Variants in MALRD1 observed in about 807,000 individuals in gnomAD.
MALRD1 encodes the protein MAM and LDL receptor class A domain containing 1, also known as MAM and LDL-receptor class A domain-containing protein 1.
A neutral mutation model predicts 242.1 loss-of-function variants in MALRD1; 247 were observed. The observed-to-expected ratio is 1.02, with a 90% CI of 0.92 to 1.13. The LOEUF (loss-of-function observed/expected upper bound fraction) is 1.13. MALRD1 is among the 50% of genes most tolerant of loss of function. MALRD1 has a pLI of 0.00. For synonymous variants in MALRD1, 995 were observed against 866.6 expected (o/e 1.15, Z -2.60); for missense variants, 2,989 against 2,533.1 (o/e 1.18, Z -3.86).
At chr10:19,609,835 T>G (rs906060911) in intron 35 of MALRD1, among the ~76,000 whole-genome samples, 1 of 152,040 alleles carries the variant, frequency 6.6e-6, no homozygotes, top group Admixed American at 6.6e-5. Context: ...AAGGTGAAAC[T>G]ATAATTATGA....
intron 18 of MALRD1, among the ~76,000 whole-genome samples, chr10:19,239,410 A>C (rs992329661): frequency 6.6e-6 from 1 of 152,058 alleles, no homozygotes; most frequent in African/African-American, 2.4e-5. Flanking sequence ...TCCTTAGCAG[A>C]TGTATAGTTT....
At chr10:19,384,568 T>C (rs1287588361) in intron 26 of MALRD1, among the ~76,000 whole-genome samples, 1 of 124,398 alleles carries the variant, frequency 8.0e-6, no homozygotes, top group South Asian at 2.2e-4. Context: ...ATATAGTGTA[T>C]ATAATATAAT....
intron 19 of MALRD1, among the ~76,000 whole-genome samples, chr10:19,273,700 C>CA (rs1385619101): frequency 3.3e-5 from 5 of 152,096 alleles, no homozygotes; most frequent in African/African-American, 9.7e-5. Context: ...ATAGTAAAAA[C>CA]ATTAGTGTTT....
intron 26 of MALRD1, among the ~76,000 whole-genome samples, chr10:19,364,994 A>G (rs1189429087): frequency 6.6e-6 from 1 of 152,138 alleles, no homozygotes; most frequent in East Asian, 1.9e-4. Flanking sequence ...CTGCCACCAC[A>G]TCATCTGCTT....
chr10:19,294,281 A>T (rs1841589416), intron 21 of MALRD1, among the ~76,000 whole-genome samples: 1 of 152,200 alleles, frequency 6.6e-6, no homozygotes, highest in South Asian at 2.1e-4. Context: ...CAAAATTTGT[A>T]GGAAAAACGT....
intron 13 of MALRD1, among the ~76,000 whole-genome samples, chr10:19,174,296 A>G (rs907351481): frequency 6.6e-6 from 1 of 152,132 alleles, no homozygotes; most frequent in Admixed American, 6.6e-5. Flanking sequence ...CTCACAAAGG[A>G]AAGAGAGGGG....
At chr10:19,561,144 CCT>C (rs1405534684) in intron 32 of MALRD1, among the ~76,000 whole-genome samples, 1 of 151,962 alleles carries the variant, frequency 6.6e-6, no homozygotes, top group African/African-American at 2.4e-5. Flanking sequence ...CAGCTATCTC[CCT>C]GTTATTGACT....
At chr10:19,604,117 G>A (rs149431375) in intron 34 of MALRD1, among the ~76,000 whole-genome samples, 278 of 152,272 alleles carry the variant, frequency 1.8e-3, no homozygotes, top group African/African-American at 6.5e-3. Flanking sequence ...TGAAAGCTGG[G>A]CCTCTTGCTC....
At chr10:19,502,084 GA>G (rs1416723480) in intron 31 of MALRD1, among the ~76,000 whole-genome samples, 1 of 149,942 alleles carries the variant, frequency 6.7e-6, no homozygotes, top group African/African-American at 2.5e-5. Flanking sequence ...TACCTGAAAA[GA>G]AAATCCAGTA....
At chr10:19,163,619 T>A (rs1439148189) in intron 12 of MALRD1, among the ~76,000 whole-genome samples, 1 of 152,150 alleles carries the variant, frequency 6.6e-6, no homozygotes, top group Non-Finnish European at 1.5e-5. Context: ...TTTGCCTATG[T>A]AACAAATCTT....
At chr10:19,632,551 C>T (rs1471068598) in intron 36 of MALRD1, among the ~76,000 whole-genome samples, 1 of 151,982 alleles carries the variant, frequency 6.6e-6, no homozygotes, top group African/African-American at 2.4e-5. Context: ...GCTTAAAAAC[C>T]TAAGGAATAA....
chr10:19,560,485 T>A (rs983248166), intron 32 of MALRD1, among the ~76,000 whole-genome samples: 2 of 151,724 alleles, frequency 1.3e-5, no homozygotes, highest in African/African-American at 2.4e-5. Context: ...TAAAATAAAA[T>A]AAAAAATAAA....
intron 38 of MALRD1, among the ~76,000 whole-genome samples, chr10:19,705,457 C>T (rs1001808825): frequency 6.6e-6 from 1 of 152,142 alleles, no homozygotes; most frequent in African/African-American, 2.4e-5. Flanking sequence ...CCTTCGCCTA[C>T]AAGAAGTAAA....
At chr10:19,267,454 T>A (rs944392625) in intron 19 of MALRD1, among the ~76,000 whole-genome samples, 1 of 152,024 alleles carries the variant, frequency 6.6e-6, no homozygotes, top group Non-Finnish European at 1.5e-5. Flanking sequence ...GTTGTTGAAC[T>A]GGGTTGATTA....
At chr10:19,357,145 C>A (rs1214133295) in intron 26 of MALRD1, among the ~76,000 whole-genome samples, 1 of 151,670 alleles carries the variant, frequency 6.6e-6, no homozygotes, top group African/African-American at 2.4e-5. Context: ...AAAAATGCAC[C>A]TCAAGGTCAA....
intron 26 of MALRD1, among the ~76,000 whole-genome samples, chr10:19,372,892 C>G (rs1845440356): frequency 6.6e-6 from 1 of 151,990 alleles, no homozygotes. Flanking sequence ...TTTTTAAAAG[C>G]TCAGCAGGTT....
chr10:19,533,546 G>A (rs536976674), intron 32 of MALRD1, among the ~76,000 whole-genome samples: 53 of 152,290 alleles, frequency 3.5e-4, no homozygotes, highest in African/African-American at 1.2e-3. Flanking sequence ...GGCTGTACAG[G>A]AAGCATGGCA....
rs117879052 is a variant in MALRD1, at chr10:19,454,372, G to A, written c.5029+3882G>A. Among the ~76,000 whole-genome samples the A allele has an allele frequency of 5.9e-3, 770 of 131,408 alleles. 13 individuals carry two copies. The highest frequency in any genetic ancestry group is 0.025 in the Admixed American group (309 of 12,324). The allele number at this position is 131,408 out of a possible 152,430, so 86.2% of individuals were successfully genotyped here. A position where few individuals can be genotyped will look rare whatever the true frequency, so the allele number is the denominator to read the frequency against. ...GCAGCCAGGTTTGAGAATTGGTTGT[G>A]AGTAGAAATGAGGAAAGGTAGATTA... On this transcript the variant is annotated intron_variant, in intron 29 of 39. Transcript: ENST00000454679.
At chr10:19,448,298 A>G (rs1156569888) in intron 28 of MALRD1, among the ~76,000 whole-genome samples, 1 of 152,118 alleles carries the variant, frequency 6.6e-6, no homozygotes. Flanking sequence ...CATTTCCCTA[A>G]ATCTTCTCTA....
Sources: gnomAD v4.1 joint callset for allele counts (sites outside exome capture counted in the v4.1 genomes callset) on GRCh38, gnomAD v4.1.1 for gene constraint, MANE v1.5 for transcripts, NCBI Gene and HGNC (gene_info 2026-07-23, HGNC 2026-07-21) for gene names.